Variants in EVC2 observed in about 807,000 individuals in gnomAD.
The protein encoded by EVC2 is EvC ciliary complex subunit 2.
A neutral mutation model predicts 149.3 loss-of-function variants in EVC2; 148 were observed. The observed-to-expected ratio is 0.99, with a 90% CI of 0.87 to 1.14. The LOEUF is 1.14. Ranked by LOEUF, EVC2 falls within the 50% of genes most tolerant of loss-of-function variation. EVC2 has a pLI of 0.00. For missense variants in EVC2, 1,854 were observed against 1,627.3 expected (o/e 1.14, Z -2.40); for synonymous variants, 776 against 649.9 (o/e 1.19, Z -2.95).
chr4:5,660,386 T>C (rs1486109621), intron 9 of EVC2, among the ~76,000 whole-genome samples: 1 of 152,120 alleles, frequency 6.6e-6, no homozygotes, highest in African/African-American at 2.4e-5. Flanking sequence ...GTGGCATGAG[T>C]CAGACCTAGC....
In EVC2 at chr4:5,662,461, T is replaced by A. The variant is rs199808084; in HGVS notation, c.1145+646A>T. Among the ~76,000 whole-genome samples, 3 of 145,576 alleles carry A rather than the reference T, an allele frequency of 2.1e-5. No homozygotes were observed. In the East Asian group the frequency reaches 5.9e-4, roughly 28 times the overall value. ...ATTGAATAAACTAATTATTCAATAA[T>A]TATTATTAATATAATATTAAATATA... On this transcript the variant is annotated intron_variant, in intron 9 of 21. Transcript: ENST00000344408.
intron 16 of EVC2, among the ~76,000 whole-genome samples, chr4:5,603,370 C>T (rs2108813324): frequency 6.6e-6 from 1 of 152,312 alleles, no homozygotes; most frequent in Non-Finnish European, 1.5e-5. Flanking sequence ...CAGACTTTCC[C>T]AATCTTTATG....
chr4:5,655,913 C>A (rs1290627665), intron 9 of EVC2, among the ~76,000 whole-genome samples: 2 of 152,140 alleles, frequency 1.3e-5, no homozygotes, highest in Non-Finnish European at 2.9e-5. Context: ...GAATATCTCA[C>A]AACAGGTCAT....
rs928028281 is a variant in EVC2, at chr4:5,567,815, C to T, written c.3557+629G>A. 6.6e-6 allele frequency among the ~76,000 whole-genome samples: 1 copy of T among 152,124 alleles called. No homozygotes were observed. The highest frequency in any genetic ancestry group is 2.4e-5 in the African/African-American group (1 of 41,422). ...ATGAGGAGCCAGTAAAAATAATATC[C>T]ACCTGTGCCACGTGTCAATAACATT... On this transcript the variant is annotated intron_variant, in intron 20 of 21. Coordinates refer to ENST00000344408, the MANE Select transcript of EVC2 (RefSeq NM_147127.5). The surrounding 1 kb of genome is among the most constrained non-coding windows in gnomAD (Gnocchi z 4.4).
intron 16 of EVC2, among the ~76,000 whole-genome samples, chr4:5,603,040 C>T (rs559700315): frequency 5.9e-5 from 9 of 152,004 alleles, no homozygotes; most frequent in East Asian, 1.9e-4. Context: ...AGAAGGCATG[C>T]GTATGTTTGA....
chr4:5,564,563 C>T (rs888700570), intron 21 of EVC2, among the ~76,000 whole-genome samples: 34 of 152,272 alleles, frequency 2.2e-4, no homozygotes, highest in African/African-American at 7.0e-4. Context: ...TAGACATGTC[C>T]GTTGAACAGC....
intron 10 of EVC2, among the ~76,000 whole-genome samples, chr4:5,632,929 A>C (rs1716659294): frequency 6.6e-6 from 1 of 152,184 alleles, no homozygotes; most frequent in African/African-American, 2.4e-5. Context: ...CCCCTTGAGC[A>C]TGGGAATGAA....
chr4:5,552,220 A>G (rs1721751366), intron 21 of EVC2, among the ~76,000 whole-genome samples: 1 of 152,184 alleles, frequency 6.6e-6, no homozygotes, highest in Non-Finnish European at 1.5e-5. Context: ...TCCTTCTTAT[A>G]TGTATATACA....
chr4:5,666,923 T>C lies in EVC2; in HGVS notation c.871-1274A>G, dbSNP rs998688399. ...TTGACTGATAGTATGGCTGGCTACA[T>C]AATTCATGGCTAAAATAACTTTCCC... On this transcript the variant is annotated intron_variant, in intron 7 of 21. Coordinates refer to ENST00000344408, the MANE Select transcript of EVC2 (RefSeq NM_147127.5). Among the ~76,000 whole-genome samples the C allele has an allele frequency of 3.3e-5, 5 of 152,200 alleles. No homozygotes were observed. In the South Asian group the frequency reaches 8.3e-4, roughly 25 times the overall value.
intron 9 of EVC2, among the ~76,000 whole-genome samples, chr4:5,641,601 G>A (rs776300693): frequency 3.9e-5 from 6 of 152,056 alleles, no homozygotes; most frequent in Non-Finnish European, 8.8e-5. Flanking sequence ...TAAACTGTGT[G>A]AATTTTATGA....
chr4:5,682,490 C>CA (rs772121177), intron 6 of EVC2, among the ~76,000 whole-genome samples: 26,226 of 141,598 alleles, frequency 0.19, 2,536 homozygotes, highest in African/African-American at 0.21. Flanking sequence ...AATGCTGTCT[C>CA]AAAAAAAAAA....
intron 16 of EVC2, among the ~76,000 whole-genome samples, chr4:5,612,498 G>A (rs1019602236): frequency 4.6e-5 from 7 of 152,178 alleles, no homozygotes; most frequent in Middle Eastern, 3.2e-3. Flanking sequence ...TTAGGAAGAG[G>A]TTGCTCCCTG....
chr4:5,665,065 T>G (rs1325664729), intron 8 of EVC2, among the ~76,000 whole-genome samples: 1 of 151,362 alleles, frequency 6.6e-6, no homozygotes, highest in Non-Finnish European at 1.5e-5. Context: ...GGGATGCATG[T>G]GGGTGACAGG....
intron 16 of EVC2, among the ~76,000 whole-genome samples, chr4:5,601,320 A>T (rs1191137197): frequency 2.0e-5 from 3 of 152,236 alleles, no homozygotes; most frequent in Non-Finnish European, 4.4e-5. Flanking sequence ...TTAGAAAGAT[A>T]TAACAAGTTA....
At chr4:5,700,238 G>A (rs780216731) in intron 1 of EVC2, among the ~76,000 whole-genome samples, 30 of 152,198 alleles carry the variant, frequency 2.0e-4, no homozygotes, top group African/African-American at 6.0e-4. Context: ...CTATGTGCTC[G>A]ATTTTTCTGT....
chr4:5,584,734 CAG>C lies in EVC2; in HGVS notation c.2944_2945del (p.Leu982ValfsTer21). 6.2e-7 allele frequency: 1 copy of C among 1,614,174 alleles called. No individual in the cohort carries two copies. Among genetic ancestry groups the C allele is most frequent in the Non-Finnish European group, 8.5e-7 (1 of 1,180,030 alleles). ...FQKASRVTET[L>X]SAYTALLSIQ... ...TGCTGAGGAGGGCGGTGTAGGCCGA[CAG>C]AGTCTCGGTCACCCGGGACGCCTTC... On this transcript the variant is annotated frameshift_variant, in exon 17 of 22. Coordinates refer to ENST00000344408, the MANE Select transcript of EVC2 (RefSeq NM_147127.5). LOFTEE classifies it high-confidence loss of function.
At position 5,562,917 on chromosome 4, in the gene EVC2, G is replaced by A. The variant is rs368103321; in HGVS notation, c.3858C>T (p.His1286=). 7.9e-5 allele frequency: 127 copies of A among 1,614,158 alleles called. No homozygotes were observed. The highest frequency in any genetic ancestry group is 2.1e-4 in the African/African-American group (16 of 75,032). The change falls in exon 22 of 22, where the codon CAC becomes CAT. Residue 1286 remains histidine (H), a synonymous_variant. Transcript: ENST00000344408. The surrounding 1 kb of genome is among the most constrained non-coding windows in gnomAD (Gnocchi z 4.3). The stretch of plus-strand genomic sequence containing the variant: ...AGTTCTTCTTTTTCCTGGGAGGAAC[G>A]TGCAGTGAGATCTCTGGCTCCTTTG... The part of the protein sequence containing the change: ...RNPKEPEISL[H]VPPRKKKNFL...
chr4:5,556,557 C>A (rs900518557), intron 21 of EVC2, among the ~76,000 whole-genome samples: 3 of 151,766 alleles, frequency 2.0e-5, no homozygotes, highest in Non-Finnish European at 4.4e-5. Context: ...TAACTTAAGG[C>A]CAAAGCAATC....
intron 7 of EVC2, among the ~76,000 whole-genome samples, chr4:5,672,223 C>G (rs929172077): frequency 6.6e-6 from 1 of 152,132 alleles, no homozygotes; most frequent in African/African-American, 2.4e-5. Context: ...GGAGAACGAG[C>G]TGGGCCAGGG....
Sources: allele counts gnomAD v4.1 joint callset (sites outside exome capture counted in the v4.1 genomes callset), GRCh38; gene constraint gnomAD v4.1.1; non-coding constraint Gnocchi (gnomAD v3.1); transcripts MANE v1.5; gene names NCBI Gene and HGNC (gene_info 2026-07-23, HGNC 2026-07-21).